The following TMEM196 variants were observed in gnomAD, a reference collection of about 807,000 sequenced individuals.
The protein encoded by TMEM196 is transmembrane protein 196.
In TMEM196, 17 loss-of-function variants were observed where a neutral mutation model predicts 20.0. The ratio of observed to expected loss-of-function variants is 0.85; its 90% confidence interval spans 0.58 to 1.27. TMEM196 has a LOEUF of 1.27. Ranked by LOEUF, TMEM196 falls within the 50% of genes most tolerant of loss-of-function variation. The pLI is 0.00. For missense variants in TMEM196, 267 were observed against 223.0 expected, an observed-to-expected ratio of 1.20 and a Z score of -1.26; for synonymous variants, 113 against 88.9, an observed-to-expected ratio of 1.27 and a Z score of -1.52.
chr7:19,763,129 C>T (rs545976701), intron 1 of TMEM196, among the ~76,000 whole-genome samples: 1 of 152,206 alleles, frequency 6.6e-6, no homozygotes, highest in Admixed American at 6.6e-5. Context: ...TGATTTTTAT[C>T]CTACTTCTGT....
At chr7:19,745,005 T>A (rs1383246139) in intron 1 of TMEM196, among the ~76,000 whole-genome samples, 1 of 152,172 alleles carries the variant, frequency 6.6e-6, no homozygotes, top group Non-Finnish European at 1.5e-5. Flanking sequence ...TCTCTCCATA[T>A]GTGCAGGAGA....
intron 1 of TMEM196, among the ~76,000 whole-genome samples, chr7:19,740,612 C>T (rs781347449): frequency 7.2e-5 from 11 of 152,128 alleles, no homozygotes; most frequent in African/African-American, 1.4e-4. Context: ...CTAACAAAAA[C>T]TCCCTAATCT....
chr7:19,771,158 T>C (rs1785861733), intron 1 of TMEM196, among the ~76,000 whole-genome samples: 1 of 152,158 alleles, frequency 6.6e-6, no homozygotes, highest in South Asian at 2.1e-4. Context: ...TACTGCCACA[T>C]ATAAAATGAA....
At chr7:19,732,252 A>G (rs1784229317) in intron 1 of TMEM196, among the ~76,000 whole-genome samples, 1 of 152,218 alleles carries the variant, frequency 6.6e-6, no homozygotes, top group African/African-American at 2.4e-5. Context: ...ATCTAATTTA[A>G]GACTTTATTA....
At chr7:19,728,831 C>G (rs766160598) in intron 2 of TMEM196, among the ~76,000 whole-genome samples, 26 of 152,132 alleles carry the variant, frequency 1.7e-4, no homozygotes, top group Non-Finnish European at 2.5e-4. Context: ...CCCCAGAAAC[C>G]CACTATAGTA....
chr7:19,745,179 AGTT>A (rs1784708658), intron 1 of TMEM196, among the ~76,000 whole-genome samples: 1 of 152,204 alleles, frequency 6.6e-6, no homozygotes, highest in African/African-American at 2.4e-5. Context: ...CTATGTAAAT[AGTT>A]GTTATACTAT....
chr7:19,757,337 C>CTTTTT (rs59859025), intron 1 of TMEM196, among the ~76,000 whole-genome samples: 34 of 70,856 alleles, frequency 4.8e-4, no homozygotes, highest in Admixed American at 9.7e-4. Context: ...CCACACCCAG[C>CTTTTT]TTTTTTTTTT....
chr7:19,764,683 G>T (rs1785555461), intron 1 of TMEM196, among the ~76,000 whole-genome samples: 1 of 152,074 alleles, frequency 6.6e-6, no homozygotes, highest in Non-Finnish European at 1.5e-5. Flanking sequence ...TAATATTTAA[G>T]GATAGTTTGA....
rs146179838 is a variant in TMEM196 at position 19,735,643 on chromosome 7, T to C, written c.148-6205A>G. Among the ~76,000 whole-genome samples the C allele has an allele frequency of 7.2e-4, 109 of 152,276 alleles. No individual in the cohort carries two copies. In the East Asian group the frequency reaches 0.019, roughly 26 times the overall value. The stretch of plus-strand genomic sequence containing the variant: ...GAAAATTTTGGAACCATGATTACTG[T>C]GGAAGCAGATATAAGCAATGGTTCT... On this transcript the variant is annotated intron_variant, in intron 1 of 4. Transcript: ENST00000405844.
At chr7:19,764,316 C>A (rs1169055485) in intron 1 of TMEM196, among the ~76,000 whole-genome samples, 1 of 152,182 alleles carries the variant, frequency 6.6e-6, no homozygotes, top group East Asian at 1.9e-4. Flanking sequence ...GCTCTCCAAG[C>A]CTAGCAGGGT....
At chr7:19,744,080 T>C (rs1162405781) in intron 1 of TMEM196, among the ~76,000 whole-genome samples, 1 of 152,142 alleles carries the variant, frequency 6.6e-6, no homozygotes, top group Non-Finnish European at 1.5e-5. Context: ...ATTTATAAAC[T>C]TAAGCTAATA....
At chr7:19,760,560 C>T (rs1334737103) in intron 1 of TMEM196, among the ~76,000 whole-genome samples, 1 of 151,920 alleles carries the variant, frequency 6.6e-6, no homozygotes. Context: ...GAGGTTTCAT[C>T]ATGTCAGCCA....
intron 1 of TMEM196, among the ~76,000 whole-genome samples, chr7:19,771,112 A>G (rs1785858475): frequency 6.6e-6 from 1 of 152,190 alleles, no homozygotes; most frequent in Non-Finnish European, 1.5e-5. Flanking sequence ...TGATAACAAC[A>G]AAAACAAGAA....
chr7:19,723,863 T>C (rs1783894816), intron 4 of TMEM196, among the ~76,000 whole-genome samples: 2 of 152,318 alleles, frequency 1.3e-5, no homozygotes, highest in South Asian at 4.1e-4. Context: ...ACCGTATTAG[T>C]GTCCAACTTT....
intron 1 of TMEM196, among the ~76,000 whole-genome samples, chr7:19,756,398 A>AACTG (rs1785212399): frequency 6.6e-6 from 1 of 151,990 alleles, no homozygotes; most frequent in Admixed American, 6.6e-5. Flanking sequence ...GTGTAGGAGT[A>AACTG]CATCTGCAGG....
chr7:19,766,286 G>A (rs1158553964), intron 1 of TMEM196, among the ~76,000 whole-genome samples: 1 of 152,036 alleles, frequency 6.6e-6, no homozygotes, highest in East Asian at 1.9e-4. Context: ...CATTACAGGG[G>A]AAAGTAGTCA....
At chr7:19,741,187 T>A (rs182997223) in intron 1 of TMEM196, among the ~76,000 whole-genome samples, 7 of 152,312 alleles carry the variant, frequency 4.6e-5, no homozygotes, top group Admixed American at 4.6e-4. Flanking sequence ...AAACCTCATA[T>A]GAATCTCCAT....
intron 3 of TMEM196, 95 bp downstream of exon 3, chr7:19,725,419 T>C: frequency 6.9e-7 from 1 of 1,454,730 alleles, no homozygotes; most frequent in Non-Finnish European, 9.2e-7. Flanking sequence ...ATCTGATTCC[T>C]CAAATTGTGA....
At chr7:19,750,748 A>G (rs1784929360) in intron 1 of TMEM196, among the ~76,000 whole-genome samples, 1 of 152,230 alleles carries the variant, frequency 6.6e-6, no homozygotes, top group Admixed American at 6.5e-5. Flanking sequence ...AATAAAAATA[A>G]CATCATTCCT....
Sources: gnomAD v4.1 joint callset for allele counts (sites outside exome capture counted in the v4.1 genomes callset) on GRCh38, gnomAD v4.1.1 for gene constraint, MANE v1.5 for transcripts, NCBI Gene and HGNC (gene_info 2026-07-23, HGNC 2026-07-21) for gene names.